The following POLK variants were observed in gnomAD, a reference collection of about 807,000 sequenced individuals.
POLK encodes polymerase (DNA directed) kappa.
POLK carries 76 observed loss-of-function variants against 94.0 expected under a neutral mutation model. The observed-to-expected ratio is 0.81, with a 90% CI of 0.67 to 0.98. POLK has a LOEUF of 0.98. POLK is among the 50% of genes least tolerant of loss of function. POLK has a pLI of 0.00. For synonymous variants in POLK, 349 were observed against 325.4 expected, an observed-to-expected ratio of 1.07 and a Z score of -0.78; for missense variants, 954 against 1,010.1, an observed-to-expected ratio of 0.94 and a Z score of 0.75.
the POLK span, among the ~76,000 whole-genome samples, chr5:75,607,383 G>T: frequency 6.6e-6 from 1 of 151,132 alleles, no homozygotes; most frequent in Non-Finnish European, 1.5e-5. Flanking sequence ...CAAGAGAATC[G>T]CTTGAACCCG....
chr5:75,544,262 C>T (rs1382197003), intron 1 of POLK, among the ~76,000 whole-genome samples: 1 of 152,150 alleles, frequency 6.6e-6, no homozygotes, highest in Non-Finnish European at 1.5e-5. Context: ...TGGCATGTGC[C>T]TTCAGTCTCA....
upstream of POLK, chr5:75,511,437 C>A: frequency 6.5e-7 from 1 of 1,536,874 alleles, no homozygotes; most frequent in Non-Finnish European, 8.8e-7. Context: ...ACCCTTCCAG[C>A]CGTCAGCCGC....
the POLK span, among the ~76,000 whole-genome samples, chr5:75,608,501 A>C: frequency 0.12 from 18,918 of 152,142 alleles, 1,286 homozygotes; most frequent in East Asian, 0.23. Context: ...GGCCCAACAA[A>C]GTTTTAAAAA....
intron 12 of POLK, among the ~76,000 whole-genome samples, chr5:75,594,591 C>A (rs1438680387): frequency 2.0e-5 from 3 of 152,198 alleles, no homozygotes. Flanking sequence ...TGTAATACTT[C>A]TTTGTGGATC....
At chr5:75,545,915 T>C (rs1249115475) in intron 1 of POLK, among the ~76,000 whole-genome samples, 3 of 152,222 alleles carry the variant, frequency 2.0e-5, no homozygotes, top group African/African-American at 7.2e-5. Context: ...TGGCGAATAA[T>C]ATCTATCTTT....
intron 1 of POLK, among the ~76,000 whole-genome samples, chr5:75,539,479 C>A (rs182125625): frequency 2.3e-4 from 35 of 152,218 alleles, no homozygotes; most frequent in African/African-American, 7.9e-4. Context: ...TGTTAGTGTT[C>A]ACACAAATAT....
Position 75,544,377 on chromosome 5 carries a change from T to A in POLK, c.-13-2633T>A, listed in dbSNP as rs985817385. Among the ~76,000 whole-genome samples the A allele has an allele frequency of 3.9e-5, 6 of 152,196 alleles. No individual in the cohort carries two copies. The East Asian group carries it at 1.2e-3, about 29-fold the overall frequency. The stretch of plus-strand genomic sequence containing the variant: ...AAAAAACAACAAGAGCCAGGTGTGG[T>A]GGCTCAGGCCTGTAATCTCAGCTCT... On this transcript the variant is annotated intron_variant, in intron 1 of 14. Transcript: ENST00000241436.
intron 1 of POLK, among the ~76,000 whole-genome samples, chr5:75,543,433 A>G (rs1164160582): frequency 1.3e-5 from 2 of 152,148 alleles, no homozygotes; most frequent in East Asian, 1.9e-4. Flanking sequence ...ATGTGGGTGT[A>G]TGAGAAAGAG....
In POLK at chr5:75,596,210, G is replaced by C. The variant is rs762371241; in HGVS notation, c.1529-12G>C. 1 of 1,412,690 alleles carries C rather than the reference G, an allele frequency of 7.1e-7. No homozygotes were observed. Among genetic ancestry groups the C allele is most frequent in the Non-Finnish European group, 9.8e-7 (1 of 1,018,880 alleles). 87.5% of individuals were successfully genotyped at this position (1,412,690 alleles called of 1,614,324 possible). A position where few individuals can be genotyped will look rare whatever the true frequency, so the allele number is the denominator to read the frequency against. ...GTTCAATTTGAAATTGATTGTGATT[G>C]GTTTAATTTAGGTGTTCGGATATCT... is the stretch of plus-strand genomic sequence containing the variant. On this transcript the variant is annotated splice_polypyrimidine_tract_variant and intron_variant, in intron 12 of 14. Transcript: ENST00000241436.
At chr5:75,511,560 C>A, upstream of POLK, 2 of 1,457,662 alleles carry the variant, frequency 1.4e-6, no homozygotes, top group Non-Finnish European at 1.8e-6. Context: ...AAGAGAAAAT[C>A]CGGCCGCTGA....
At chr5:75,608,190 T>C in the POLK span, among the ~76,000 whole-genome samples, 2 of 151,802 alleles carry the variant, frequency 1.3e-5, no homozygotes, top group Non-Finnish European at 2.9e-5. Flanking sequence ...AGTAAGAAAC[T>C]TAATTAATTT....
chr5:75,605,236 C>A (rs964172623), downstream of POLK, among the ~76,000 whole-genome samples: 3 of 151,926 alleles, frequency 2.0e-5, no homozygotes, highest in Admixed American at 1.3e-4. Context: ...CTTTCCATTT[C>A]TTTTATCAGG....
intron 12 of POLK, 26 bp from the exon 13 acceptor site, chr5:75,596,196 A>G: frequency 2.3e-6 from 3 of 1,313,798 alleles, no homozygotes; most frequent in Non-Finnish European, 3.2e-6. Flanking sequence ...TTCAATTTGA[A>G]ATTGATTGTG....
intron 1 of POLK, among the ~76,000 whole-genome samples, chr5:75,516,400 T>G (rs536443184): frequency 1.5e-4 from 23 of 152,228 alleles, no homozygotes; most frequent in African/African-American, 5.5e-4. Flanking sequence ...CTGGGCAACA[T>G]AGGGAGACCC....
At chr5:75,570,606 G>C (rs1771539265) in intron 4 of POLK, among the ~76,000 whole-genome samples, 1 of 152,166 alleles carries the variant, frequency 6.6e-6, no homozygotes, top group African/African-American at 2.4e-5. Flanking sequence ...CCATGACTTA[G>C]AACTTTTGCT....
chr5:75,555,527 A>G (rs1249786202), intron 3 of POLK, among the ~76,000 whole-genome samples: 1 of 151,586 alleles, frequency 6.6e-6, no homozygotes, highest in Non-Finnish European at 1.5e-5. Context: ...ATATTATTCA[A>G]TTGTCTGGGT....
At chr5:75,596,792 G>A in exon 13 of POLK, 3 of 1,611,770 alleles carry the variant, frequency 1.9e-6, no homozygotes, top group Non-Finnish European at 1.7e-6. Flanking sequence ...TCAGTAGATT[G>A]TATAGCTTTA....
intron 1 of POLK, among the ~76,000 whole-genome samples, chr5:75,524,231 T>G (rs1768726389): frequency 6.6e-6 from 1 of 152,152 alleles, no homozygotes; most frequent in Non-Finnish European, 1.5e-5. Flanking sequence ...AGAACCTGTT[T>G]CATCTCTGTA....
rs1260638954 is a variant in POLK at position 75,531,410 on chromosome 5, ATATATAGCTATTTACACCAG to A, written c.-13-15578_-13-15559del. Among the ~76,000 whole-genome samples, 5 of 146,620 alleles carry A rather than the reference ATATATAGCTATTTACACCAG, an allele frequency of 3.4e-5. No individual in the cohort carries two copies. In the East Asian group the frequency reaches 5.8e-4, roughly 17 times the overall value. On this transcript the variant is annotated intron_variant, in intron 1 of 14. Transcript: ENST00000241436. ...ATATAGCTATTTACACCAGTATATA[ATATATAGCTATTTACACCAG>A]TATATAGCTATTTACACCAGTGCTA... is the stretch of plus-strand genomic sequence containing the variant.
Sources: gnomAD v4.1 joint callset for allele counts (sites outside exome capture counted in the v4.1 genomes callset) on GRCh38, gnomAD v4.1.1 for gene constraint, MANE v1.5 for transcripts, NCBI Gene and HGNC (gene_info 2026-07-23, HGNC 2026-07-21) for gene names.